PRSS48: variants seen among roughly 807,000 people sequenced by gnomAD.
The protein encoded by PRSS48 is epidermis-specific serine protease-like protein.
PRSS48 carries 21 observed loss-of-function variants against 25.6 expected under a neutral mutation model. That is an observed-to-expected ratio of 0.82 (90% confidence interval 0.58 to 1.18). The LOEUF (loss-of-function observed/expected upper bound fraction) is 1.18. PRSS48 is among the 50% of genes most tolerant of loss of function. The pLI is 0.00. For synonymous variants in PRSS48, 150 were observed against 149.3 expected (o/e 1.00, Z -0.04); for missense variants, 373 against 399.3 (o/e 0.93, Z 0.56).
chr4:151,284,015 T>C (rs1463599853), intron 4 of PRSS48, among the ~76,000 whole-genome samples: 3 of 152,186 alleles, frequency 2.0e-5, no homozygotes, highest in Non-Finnish European at 4.4e-5. Flanking sequence ...TTACCTTTGA[T>C]TGTCAGCAGT....
At chr4:151,280,542 C>T (rs1424596921) in intron 2 of PRSS48, among the ~76,000 whole-genome samples, 2 of 152,200 alleles carry the variant, frequency 1.3e-5, no homozygotes, top group Non-Finnish European at 2.9e-5. Flanking sequence ...TTTTAAGCCA[C>T]TAAGCTTTAT....
intron 4 of PRSS48, 42 bp from the exon 5 acceptor site, chr4:151,291,076 G>T: frequency 6.9e-7 from 1 of 1,454,816 alleles, no homozygotes; most frequent in Non-Finnish European, 9.4e-7. Flanking sequence ...TCTTCTTTAT[G>T]CCTCTTTTCA....
At chr4:151,279,240 A>AT (rs34523834) in intron 1 of PRSS48, 70,808 of 205,810 alleles carry the variant, frequency 0.34, 11,297 homozygotes, top group Non-Finnish European at 0.43. Context: ...TTCTTTTTCA[A>AT]TTTTTTTTTT....
chr4:151,277,518 G>T (rs749120851), intron 1 of PRSS48, among the ~76,000 whole-genome samples: 1 of 152,084 alleles, frequency 6.6e-6, no homozygotes. Flanking sequence ...TGAAAGGAAA[G>T]GGGCATCTGA....
intron 3 of PRSS48, 109 bp downstream of exon 3, chr4:151,282,522 A>T (rs1456248931): frequency 5.5e-5 from 59 of 1,065,486 alleles, no homozygotes; most frequent in Non-Finnish European, 7.8e-5. Flanking sequence ...CAACAAAACC[A>T]GATCAATCTA....
exon 5 of PRSS48, chr4:151,291,333 G>A (rs755280257): frequency 1.2e-6 from 2 of 1,613,920 alleles, no homozygotes; most frequent in Non-Finnish European, 1.7e-6. Flanking sequence ...TGGCTCTCCT[G>A]CGTCCCTCCT....
exon 4 of PRSS48, chr4:151,283,275 G>T: frequency 1.2e-6 from 2 of 1,613,520 alleles, no homozygotes; most frequent in Middle Eastern, 1.7e-4. Context: ...AAACATGAAG[G>T]ATAGTTGCAA....
At chr4:151,291,199 G>T in exon 5 of PRSS48, 1 of 1,613,842 alleles carries the variant, frequency 6.2e-7, no homozygotes, top group South Asian at 1.1e-5. Context: ...ATTAGAATGT[G>T]GTAAATCTCT....
intron 2 of PRSS48, among the ~76,000 whole-genome samples, chr4:151,281,553 A>G (rs1441302283): frequency 6.6e-6 from 1 of 152,218 alleles, no homozygotes; most frequent in African/African-American, 2.4e-5. Context: ...AGAAAAATCA[A>G]GAAACAGCTA....
In PRSS48 at chr4:151,282,386, G is replaced by A. The variant is rs188453537; in HGVS notation, c.454G>A (p.Gly152Arg). The change falls in exon 3 of 5, where the codon GGA (glycine) becomes AGA (arginine). Residue 152 changes from glycine to arginine, a missense_variant. Transcript: ENST00000455694. ...AATTCCACCCTTTTGTTGGGTGACC[G>A]GATGGGGAAAAGTTAAGGAAAGTTC... The A allele has an allele frequency of 2.4e-5, 39 of 1,613,788 alleles. No individual in the cohort carries two copies. The Admixed American group carries it at 3.2e-4, about 13-fold the overall frequency.
intron 4 of PRSS48, among the ~76,000 whole-genome samples, chr4:151,287,968 T>C (rs13117723): frequency 0.36 from 54,925 of 151,804 alleles, 10,908 homozygotes; most frequent in Middle Eastern, 0.45. Flanking sequence ...TGGTTTAAAA[T>C]CCAGAAATCA....
intron 4 of PRSS48, among the ~76,000 whole-genome samples, chr4:151,286,212 ACCTAAAG>A (rs1774768735): frequency 6.7e-6 from 1 of 149,876 alleles, no homozygotes; most frequent in Non-Finnish European, 1.5e-5. Context: ...AAACAACTAA[ACCTAAAG>A]AAAATACAAA....
intron 4 of PRSS48, 125 bp downstream of exon 4, chr4:151,283,411 G>A (rs1774436306): frequency 2.8e-6 from 2 of 724,668 alleles, no homozygotes; most frequent in South Asian, 3.7e-5. Context: ...TAACTCTTAT[G>A]TTACCCTGGA....
chr4:151,287,271 G>T (rs1479344422), intron 4 of PRSS48, among the ~76,000 whole-genome samples: 1 of 149,950 alleles, frequency 6.7e-6, no homozygotes, highest in Non-Finnish European at 1.5e-5. Context: ...AACCCGGGAG[G>T]CAGAGGTTTC....
At chr4:151,278,447 A>AAAGAAG (rs1180270901) in intron 1 of PRSS48, among the ~76,000 whole-genome samples, 5 of 150,576 alleles carry the variant, frequency 3.3e-5, no homozygotes, top group African/African-American at 1.2e-4. Context: ...TTGTGGCCCA[A>AAAGAAG]AAGAAGAAAA....
At chr4:151,282,238 C>T (rs1028117487) in exon 3 of PRSS48, 11 of 1,613,778 alleles carry the variant, frequency 6.8e-6, no homozygotes, top group African/African-American at 5.3e-5. Flanking sequence ...TGTCCAAAAT[C>T]GTCATCCATC....
chr4:151,280,934 A>T (rs908410756), intron 2 of PRSS48, among the ~76,000 whole-genome samples: 36 of 152,370 alleles, frequency 2.4e-4, no homozygotes, highest in Middle Eastern at 3.4e-3. Flanking sequence ...ACATTTTCAC[A>T]TACACAAAGC....
chr4:151,277,587 G>C (rs1773763828), intron 1 of PRSS48, among the ~76,000 whole-genome samples: 1 of 152,156 alleles, frequency 6.6e-6, no homozygotes, highest in Admixed American at 6.5e-5. Flanking sequence ...GCCTCACTAA[G>C]AAGGAGTCAT....
chr4:151,291,138 G>A (rs906758004), exon 5 of PRSS48: 2 of 1,612,730 alleles, frequency 1.2e-6, no homozygotes, highest in African/African-American at 1.3e-5. Context: ...GAGGGCCTCT[G>A]TCGTGTCACA....
Sources: allele counts gnomAD v4.1 joint callset (sites outside exome capture counted in the v4.1 genomes callset), GRCh38; gene constraint gnomAD v4.1.1; transcripts MANE v1.5; gene names NCBI Gene and HGNC (gene_info 2026-07-23, HGNC 2026-07-21).